CSMD3: variants seen among roughly 807,000 people sequenced by gnomAD.
CSMD3 encodes the protein CUB and Sushi multiple domains 3.
CSMD3 carries 177 observed loss-of-function variants against 435.2 expected under a neutral mutation model. That is an observed-to-expected ratio of 0.41 (90% CI 0.36 to 0.46). The LOEUF is 0.46. Ranked by LOEUF, CSMD3 falls within the 20% of genes least tolerant of loss-of-function variation. The probability of loss-of-function intolerance (pLI) is 0.34; values close to 1 mark genes in which losing one functional copy is unlikely to be tolerated. For synonymous variants in CSMD3, 1,656 were observed against 1,520.5 expected (o/e 1.09, Z -2.07); for missense variants, 4,265 against 4,504.6 (o/e 0.95, Z 1.52).
intron 10 of CSMD3, among the ~76,000 whole-genome samples, chr8:112,920,206 A>G: frequency 6.6e-6 from 1 of 152,018 alleles, no homozygotes; most frequent in East Asian, 1.9e-4. Flanking sequence ...TGCATGTGCT[A>G]GCTAGGATAA....
At chr8:112,410,720 A>ATATATATGTGTATATATATATGTG (rs1811236958) in intron 32 of CSMD3, among the ~76,000 whole-genome samples, 1 of 142,982 alleles carries the variant, frequency 7.0e-6, no homozygotes, top group East Asian at 2.0e-4. Context: ...ATATATGTAT[A>ATATATATGTGTATATATATATGTG]TATATAGGAA....
At chr8:112,580,666 T>G (rs1317636054) in intron 23 of CSMD3, among the ~76,000 whole-genome samples, 2 of 151,958 alleles carry the variant, frequency 1.3e-5, no homozygotes, top group Non-Finnish European at 2.9e-5. Context: ...CAGAGCAGAA[T>G]ATACTACAGA....
rs73346005 is a variant in CSMD3 at position 112,886,090 on chromosome 8, C to G, written c.1634-26824G>C. ...TGTGACTTCCATATATTCAAAATAT[C>G]AGGATTCTGTGGTTTTACTTGTTTG... On this transcript the variant is annotated intron_variant, in intron 10 of 70. Coordinates refer to ENST00000297405, the MANE Select transcript of CSMD3 (RefSeq NM_198123.2). 2.9e-3 allele frequency among the ~76,000 whole-genome samples: 446 copies of G among 151,604 alleles called. 1 individual carries two copies. Among genetic ancestry groups the G allele is most frequent in the African/African-American group, 9.9e-3 (412 of 41,436 alleles).
At chr8:112,773,526 A>G (rs2078172847) in intron 13 of CSMD3, among the ~76,000 whole-genome samples, 1 of 152,102 alleles carries the variant, frequency 6.6e-6, no homozygotes, top group Non-Finnish European at 1.5e-5. Context: ...TCAACTTTCC[A>G]AAGCAACATG....
chr8:112,920,912 TATATATACAC>T (rs1460960651), intron 10 of CSMD3, among the ~76,000 whole-genome samples: 1 of 143,088 alleles, frequency 7.0e-6, no homozygotes, highest in African/African-American at 2.5e-5. Flanking sequence ...CATATATATA[TATATATACAC>T]ACACACACAC....
rs557100103 is a variant in CSMD3, at chr8:113,086,181, G to A, written c.917+12575C>T. Among the ~76,000 whole-genome samples, 44 of 151,572 alleles carry A rather than the reference G, an allele frequency of 2.9e-4. No homozygotes were observed. In the South Asian group the frequency reaches 6.9e-3, roughly 24 times the overall value. ...GGAGAATGGAGTGTACCTGGGAGGC[G>A]GAGCTTGAAGTGAGCCGAGATCGCG... On this transcript the variant is annotated intron_variant, in intron 5 of 70. Transcript: ENST00000297405.
chr8:112,256,929 T>A (rs1586560068), intron 61 of CSMD3, among the ~76,000 whole-genome samples: 2 of 152,274 alleles, frequency 1.3e-5, no homozygotes, highest in South Asian at 4.1e-4. Flanking sequence ...ACAATGGGAA[T>A]AAACTTGGCA....
chr8:113,404,213 C>G (rs1334878010), intron 1 of CSMD3, among the ~76,000 whole-genome samples: 1 of 151,278 alleles, frequency 6.6e-6, no homozygotes, highest in Admixed American at 6.6e-5. Context: ...TGAATACATA[C>G]AGTTTATTCC....
At chr8:113,278,564 T>C in intron 3 of CSMD3, 28 bp downstream of exon 3, 2 of 1,042,340 alleles carry the variant, frequency 1.9e-6, no homozygotes, top group South Asian at 1.3e-5. Context: ...TTAAGGGCAG[T>C]GGTTTGTTTG....
chr8:113,276,380 G>A (rs2093570459), intron 3 of CSMD3, among the ~76,000 whole-genome samples: 1 of 152,016 alleles, frequency 6.6e-6, no homozygotes, highest in Admixed American at 6.6e-5. Context: ...ATACATCAGA[G>A]GGGAAATCAA....
chr8:113,351,926 T>A (rs1198634345), intron 1 of CSMD3, among the ~76,000 whole-genome samples: 1 of 152,158 alleles, frequency 6.6e-6, no homozygotes, highest in African/African-American at 2.4e-5. Flanking sequence ...TTGTCTTCAA[T>A]TGCTTAATGA....
chr8:112,276,087 T>C (rs11783495), intron 59 of CSMD3, among the ~76,000 whole-genome samples: 36,362 of 152,092 alleles, frequency 0.24, 4,526 homozygotes, highest in East Asian at 0.36. Flanking sequence ...CATTGGATAA[T>C]AGCTGTTCCA....
intron 3 of CSMD3, among the ~76,000 whole-genome samples, chr8:113,256,699 T>A (rs887855148): frequency 6.6e-6 from 1 of 152,172 alleles, no homozygotes; most frequent in Non-Finnish European, 1.5e-5. Context: ...AGGAGTAGGA[T>A]AGTTTGGCTG....
intron 41 of CSMD3, among the ~76,000 whole-genome samples, chr8:112,345,107 T>G (rs1345870357): frequency 6.6e-6 from 1 of 152,112 alleles, no homozygotes; most frequent in African/African-American, 2.4e-5. Flanking sequence ...TCTCTATATA[T>G]AATTATAAAA....
At position 112,503,774 on chromosome 8, in the gene CSMD3, G is replaced by C. The variant is rs1438943238; in HGVS notation, c.5083+16C>G. 1.0e-5 allele frequency: 16 copies of C among 1,563,106 alleles called. No individual in the cohort carries two copies. The highest frequency in any genetic ancestry group is 1.3e-5 in the Non-Finnish European group (15 of 1,135,440). On this transcript the variant is annotated intron_variant, in intron 30 of 70. Transcript: ENST00000297405. ...TAATTTAAATCATGATACTAACATG[G>C]AATGTTCATATTTACCTTTGTATTC...
In CSMD3 at chr8:112,318,979, A is replaced by G. The variant is rs768181153; in HGVS notation, c.7247-29T>C. 3.1e-5 allele frequency: 38 copies of G among 1,223,744 alleles called. No homozygotes were observed. The Admixed American group carries it at 4.0e-4, about 13-fold the overall frequency. The allele number at this position is 1,223,744 out of a possible 1,614,324, so 75.8% of individuals were successfully genotyped here. A position where few individuals can be genotyped will look rare whatever the true frequency, so the allele number is the denominator to read the frequency against. ...TTAAACAAAAGAGGGGAGGTTTCAT[A>G]TAAGCAACAAGGTGATGATAAAAAT... is the stretch of plus-strand genomic sequence containing the variant. On this transcript the variant is annotated intron_variant, in intron 46 of 70. Transcript: ENST00000297405.
intron 12 of CSMD3, among the ~76,000 whole-genome samples, chr8:112,827,216 A>G (rs2079723931): frequency 9.7e-6 from 1 of 102,574 alleles, no homozygotes; most frequent in African/African-American, 3.7e-5. Flanking sequence ...TAATCTTTCT[A>G]CCCACAATTG....
chr8:112,939,045 CT>C (rs1564127144), intron 9 of CSMD3, among the ~76,000 whole-genome samples: 1 of 152,022 alleles, frequency 6.6e-6, no homozygotes. Flanking sequence ...TATATCACCT[CT>C]TAATTCAATA....
chr8:113,043,409 C>A (rs1483012351), intron 5 of CSMD3, among the ~76,000 whole-genome samples: 1 of 152,106 alleles, frequency 6.6e-6, no homozygotes, highest in East Asian at 1.9e-4. Flanking sequence ...CTTAAGTCAG[C>A]ATCATTTTAA....
Sources: gnomAD v4.1 joint callset for allele counts (sites outside exome capture counted in the v4.1 genomes callset) on GRCh38, gnomAD v4.1.1 for gene constraint, MANE v1.5 for transcripts, NCBI Gene and HGNC (gene_info 2026-07-23, HGNC 2026-07-21) for gene names.